AGPAT5: variants seen among roughly 807,000 people sequenced by gnomAD.
The protein encoded by AGPAT5 is 1-acylglycerol-3-phosphate O-acyltransferase 5.
AGPAT5 carries 46 observed loss-of-function variants against 45.6 expected under a neutral mutation model. The observed-to-expected ratio is 1.01, with a 90% CI of 0.80 to 1.29. The LOEUF is 1.29. Ranked by LOEUF, AGPAT5 falls within the 50% of genes most tolerant of loss-of-function variation. AGPAT5 has a pLI of 0.00. For synonymous variants in AGPAT5, 272 were observed against 167.0 expected, an observed-to-expected ratio of 1.63 and a Z score of -4.85; for missense variants, 673 against 450.7, an observed-to-expected ratio of 1.49 and a Z score of -4.47.
chr8:6,720,710 G>A (rs1800470027), intron 1 of AGPAT5, among the ~76,000 whole-genome samples: 1 of 152,176 alleles, frequency 6.6e-6, no homozygotes, highest in Admixed American at 6.5e-5. Flanking sequence ...GCCTGACCAT[G>A]GAGACCCTGA....
intron 2 of AGPAT5, among the ~76,000 whole-genome samples, chr8:6,727,541 C>G (rs1215057397): frequency 1.3e-5 from 2 of 152,148 alleles, no homozygotes; most frequent in Non-Finnish European, 2.9e-5. Flanking sequence ...ACCACCACGC[C>G]TGGCTAATTT....
At chr8:6,752,352 C>G (rs1357772425) in intron 6 of AGPAT5, among the ~76,000 whole-genome samples, 2 of 151,974 alleles carry the variant, frequency 1.3e-5, no homozygotes, top group Non-Finnish European at 2.9e-5. Flanking sequence ...GAGTATGTGC[C>G]TTTACGTATT....
chr8:6,724,228 G>T (rs1169229689), intron 1 of AGPAT5, among the ~76,000 whole-genome samples: 2 of 152,108 alleles, frequency 1.3e-5, no homozygotes, highest in African/African-American at 4.8e-5. Flanking sequence ...TGCCATTCCA[G>T]TTCAGAGCCA....
rs7830784 is a variant in AGPAT5 at position 6,757,644 on chromosome 8, A to G, written c.*256A>G. The G allele has an allele frequency of 0.024, 8,331 of 347,506 alleles. 324 individuals carry two copies. The highest frequency in any genetic ancestry group is 0.1 in the African/African-American group (4,899 of 48,208). The allele number at this position is 347,506 out of a possible 1,614,324, so 21.5% of individuals were successfully genotyped here. A position where few individuals can be genotyped will look rare whatever the true frequency, so the allele number is the denominator to read the frequency against. On this transcript the variant is annotated 3_prime_UTR_variant, in exon 8 of 8. Transcript: ENST00000285518. ...GTTTCTCCTGCTCTGTCCATTTCCT[A>G]TGAACTAATGACAACTTGAGAAGGC...
chr8:6,753,209 C>T (rs1469920408), intron 6 of AGPAT5, among the ~76,000 whole-genome samples: 1 of 152,218 alleles, frequency 6.6e-6, no homozygotes. Context: ...CCAAAGCTGA[C>T]GTCTTAGTAG....
intron 4 of AGPAT5, 121 bp downstream of exon 4, chr8:6,732,771 G>T: frequency 1.1e-6 from 1 of 906,044 alleles, no homozygotes; most frequent in Non-Finnish European, 1.6e-6. Flanking sequence ...CTAATTCAGG[G>T]TTATGCTGAG....
At position 6,724,915 on chromosome 8, in the gene AGPAT5, TA is replaced by T; in HGVS notation, c.266del (p.Tyr89PhefsTer2). The stretch of plus-strand genomic sequence containing the variant: ...GCCAAAAAATAAAGAAAATATAATA[TA>T]TTTAGCAAATCATCAAAGCACAGGT... ...DLPKNKENII[Y>X]LANHQSTVDW... On this transcript the variant is annotated frameshift_variant, in exon 2 of 8. Transcript: ENST00000285518. LOFTEE classifies it high-confidence loss of function. 1 of 1,168,138 alleles carries T rather than the reference TA, an allele frequency of 8.6e-7. No individual in the cohort carries two copies. The highest frequency in any genetic ancestry group is 1.1e-6 in the Non-Finnish European group (1 of 887,188). The allele number at this position is 1,168,138 out of a possible 1,614,324, so 72.4% of individuals were successfully genotyped here.
At chr8:6,733,043 G>C (rs1345061585) in intron 4 of AGPAT5, among the ~76,000 whole-genome samples, 1 of 152,186 alleles carries the variant, frequency 6.6e-6, no homozygotes, top group Non-Finnish European at 1.5e-5. Flanking sequence ...TGCAAATTTT[G>C]AATGTCTTAC....
chr8:6,742,820 A>C (rs1554513065), intron 5 of AGPAT5, among the ~76,000 whole-genome samples: 1 of 152,172 alleles, frequency 6.6e-6, no homozygotes, highest in Non-Finnish European at 1.5e-5. Context: ...CCTATTAAGT[A>C]AGGAGTGTTT....
chr8:6,730,266 T>C (rs1254530725), intron 2 of AGPAT5, among the ~76,000 whole-genome samples: 2 of 151,624 alleles, frequency 1.3e-5, no homozygotes, highest in African/African-American at 2.4e-5. Context: ...ATGTATATTT[T>C]TTAAATATCT....
In AGPAT5 at chr8:6,708,726, G is replaced by A. The variant is rs1230128508; in HGVS notation, c.58G>A (p.Val20Met). The change falls in exon 1 of 8, where the codon GTG (valine) becomes ATG (methionine). Residue 20 changes from valine to methionine, a missense_variant. Physicochemically the swap from Val to Met is conservative, Grantham distance 21 (BLOSUM62 1). Transcript: ENST00000285518. ...YSMRYLLPSV[V>M]LLGTAPTYVL... The stretch of plus-strand genomic sequence containing the variant: ...CATGCGCTACCTGCTGCCCAGCGTC[G>A]TGCTCCTGGGCACGGCGCCCACCTA... The A allele has an allele frequency of 1.0e-5, 16 of 1,606,862 alleles. No individual in the cohort carries two copies. Among genetic ancestry groups the A allele is most frequent in the African/African-American group, 8.0e-5 (6 of 74,904 alleles).
At chr8:6,711,685 T>G (rs1481132930) in intron 1 of AGPAT5, among the ~76,000 whole-genome samples, 2 of 152,174 alleles carry the variant, frequency 1.3e-5, no homozygotes, top group Non-Finnish European at 2.9e-5. Flanking sequence ...AGGCCAGCAC[T>G]TTGAAATCAA....
chr8:6,738,440 A>G (rs1170470347), intron 4 of AGPAT5: 1 of 152,220 alleles, frequency 6.6e-6, no homozygotes, highest in Non-Finnish European at 1.5e-5. Context: ...GGTGCAATTC[A>G]TGGCACCCCC....
chr8:6,718,206 A>G (rs1020996207), intron 1 of AGPAT5, among the ~76,000 whole-genome samples: 1 of 152,238 alleles, frequency 6.6e-6, no homozygotes, highest in African/African-American at 2.4e-5. Context: ...AGACACATGC[A>G]TGCTGAGTGT....
At chr8:6,709,697 C>A (rs536575557) in intron 1 of AGPAT5, among the ~76,000 whole-genome samples, 11 of 152,050 alleles carry the variant, frequency 7.2e-5, no homozygotes, top group African/African-American at 2.4e-4. Flanking sequence ...GGAAATGGGA[C>A]GGTATCATTT....
intron 2 of AGPAT5, among the ~76,000 whole-genome samples, chr8:6,727,595 G>A (rs1800731303): frequency 6.6e-6 from 1 of 152,128 alleles, no homozygotes; most frequent in Non-Finnish European, 1.5e-5. Flanking sequence ...TGGTCAGGCT[G>A]GTCTTGAACT....
intron 1 of AGPAT5, among the ~76,000 whole-genome samples, chr8:6,715,681 A>G (rs1251148424): frequency 2.0e-5 from 3 of 152,158 alleles, no homozygotes; most frequent in African/African-American, 4.8e-5. Flanking sequence ...GAGACCCCCT[A>G]CTTTCAAGGT....
At chr8:6,736,160 C>G (rs55696710) in intron 4 of AGPAT5, among the ~76,000 whole-genome samples, 4,030 of 152,232 alleles carry the variant, frequency 0.026, 173 homozygotes, top group African/African-American at 0.092. Context: ...CCTTCTTCAT[C>G]TAGCTTTAAC....
At chr8:6,712,372 TTATA>T (rs35603168) in intron 1 of AGPAT5, among the ~76,000 whole-genome samples, 3 of 150,378 alleles carry the variant, frequency 2.0e-5, no homozygotes, top group Non-Finnish European at 3.0e-5. Context: ...CATCTTGTGA[TTATA>T]TATATATATA....
Sources: gnomAD v4.1 joint callset for allele counts (sites outside exome capture counted in the v4.1 genomes callset) on GRCh38, gnomAD v4.1.1 for gene constraint, MANE v1.5 for transcripts, NCBI Gene and HGNC (gene_info 2026-07-23, HGNC 2026-07-21) for gene names.